Variants in ANKRD44 observed in about 807,000 individuals in gnomAD.
ANKRD44 encodes serine/threonine-protein phosphatase 6 regulatory ankyrin repeat subunit B.
In ANKRD44, 35 loss-of-function variants were observed where a neutral mutation model predicts 116.0. That is an observed-to-expected ratio of 0.30 (90% confidence interval 0.23 to 0.40). The LOEUF is 0.40. Ranked by LOEUF, ANKRD44 falls within the 10% of genes least tolerant of loss-of-function variation. ANKRD44 has a pLI of 1.00. For missense variants in ANKRD44, 1,014 were observed against 1,242.6 expected, an observed-to-expected ratio of 0.82 and a Z score of 2.77; for synonymous variants, 435 against 461.8, an observed-to-expected ratio of 0.94 and a Z score of 0.74.
downstream of ANKRD44, among the ~76,000 whole-genome samples, chr2:196,982,632 A>G (rs1459597817): frequency 6.6e-6 from 1 of 152,138 alleles, no homozygotes; most frequent in Non-Finnish European, 1.5e-5. Flanking sequence ...TACCTTCAAG[A>G]CATATCCAAA....
chr2:197,007,738 G>C, intron 20 of ANKRD44, 68 bp downstream of exon 20: 1 of 1,064,614 alleles, frequency 9.4e-7, no homozygotes, highest in Non-Finnish European at 1.4e-6. Flanking sequence ...CTTTGTAATT[G>C]TTTGCTAAAA....
At chr2:197,214,270 G>A (rs891995927) in intron 1 of ANKRD44, among the ~76,000 whole-genome samples, 1 of 152,062 alleles carries the variant, frequency 6.6e-6, no homozygotes, top group Admixed American at 6.6e-5. Context: ...AAAATGATGG[G>A]ATATTATGCA....
intron 1 of ANKRD44, among the ~76,000 whole-genome samples, chr2:197,264,436 T>C (rs2712870): frequency 0.17 from 26,445 of 152,246 alleles, 2,421 homozygotes; most frequent in Middle Eastern, 0.28. Context: ...GCAGAAAGCA[T>C]CCTGGATTTC....
chr2:197,132,458 C>T (rs2079116561), intron 4 of ANKRD44, among the ~76,000 whole-genome samples: 1 of 152,160 alleles, frequency 6.6e-6, no homozygotes, highest in South Asian at 2.1e-4. Flanking sequence ...GCTTAACATA[C>T]TCAGGAAATG....
intron 1 of ANKRD44, among the ~76,000 whole-genome samples, chr2:197,310,243 G>T (rs1005148141): frequency 2.2e-4 from 34 of 151,332 alleles, no homozygotes; most frequent in African/African-American, 8.2e-4. Flanking sequence ...ACGCAACGCG[G>T]CGCGGTGCGA....
intron 25 of ANKRD44, 136 bp from the exon 26 acceptor site, chr2:196,995,597 A>T (rs2075998455): frequency 1.6e-6 from 1 of 614,366 alleles, no homozygotes; most frequent in Admixed American, 3.2e-5. Context: ...TTTCTGAGTA[A>T]TTTTTTTTCT....
chr2:197,273,970 A>T (rs2082975119), intron 1 of ANKRD44, among the ~76,000 whole-genome samples: 1 of 26,248 alleles, frequency 3.8e-5, no homozygotes, highest in African/African-American at 1.0e-4. Flanking sequence ...CAAAAAAAAA[A>T]AAAAAAAAAA....
At chr2:197,041,454 G>A (rs2076909953) in intron 16 of ANKRD44, among the ~76,000 whole-genome samples, 1 of 152,242 alleles carries the variant, frequency 6.6e-6, no homozygotes, top group African/African-American at 2.4e-5. Context: ...CTTGGCTCAA[G>A]CATCAACTAT....
At chr2:196,982,538 C>T (rs558071948), downstream of ANKRD44, among the ~76,000 whole-genome samples, 10 of 152,260 alleles carry the variant, frequency 6.6e-5, no homozygotes, top group East Asian at 1.7e-3. Context: ...CACATGTCTA[C>T]AATTTCATAT....
chr2:197,089,838 G>A, intron 11 of ANKRD44, 112 bp downstream of exon 11: 1 of 819,622 alleles, frequency 1.2e-6, no homozygotes, highest in Non-Finnish European at 2.0e-6. Context: ...ATCCTGACGA[G>A]TCAGGTAATG....
intron 1 of ANKRD44, among the ~76,000 whole-genome samples, chr2:197,223,002 A>G (rs1228130807): frequency 6.6e-6 from 1 of 151,792 alleles, no homozygotes; most frequent in African/African-American, 2.4e-5. Context: ...CAGTTGAGAT[A>G]GGGTTTCACC....
intron 27 of ANKRD44, among the ~76,000 whole-genome samples, chr2:196,993,169 T>C (rs2075952241): frequency 6.6e-6 from 1 of 152,204 alleles, no homozygotes. Context: ...AAAAGTTTGA[T>C]CTCAGAATGA....
chr2:196,977,672 C>T (rs373722451), intron 21 of ANKRD44, among the ~76,000 whole-genome samples: 3 of 152,062 alleles, frequency 2.0e-5, no homozygotes, highest in African/African-American at 7.2e-5. Flanking sequence ...ACTAGGATGG[C>T]CATAATAAAA....
intron 16 of ANKRD44, among the ~76,000 whole-genome samples, chr2:197,076,350 G>A (rs1024853051): frequency 6.6e-6 from 1 of 152,156 alleles, no homozygotes; most frequent in African/African-American, 2.4e-5. Flanking sequence ...GTGCATGTAA[G>A]TTAATTGGTT....
Position 197,228,761 on chromosome 2 carries a change from C to T in ANKRD44, c.28-41655G>A, listed in dbSNP as rs568033388. The stretch of plus-strand genomic sequence containing the variant: ...TATCTGAAGAGCAGTTACAGCCTGG[C>T]GCGGAGGCTCACGCCTGTAATCCCA... On this transcript the variant is annotated intron_variant, in intron 1 of 27. Transcript: ENST00000282272. Among the ~76,000 whole-genome samples the T allele has an allele frequency of 1.9e-4, 29 of 152,300 alleles. No homozygotes were observed. In the South Asian group the frequency reaches 5.4e-3, roughly 28 times the overall value.
At chr2:197,056,234 C>T (rs1270596323) in intron 16 of ANKRD44, among the ~76,000 whole-genome samples, 1 of 151,998 alleles carries the variant, frequency 6.6e-6, no homozygotes, top group Admixed American at 6.6e-5. Context: ...ATATTCTTTA[C>T]CCTTTGCATG....
At chr2:197,208,476 C>A (rs777506913) in intron 1 of ANKRD44, among the ~76,000 whole-genome samples, 1 of 152,136 alleles carries the variant, frequency 6.6e-6, no homozygotes, top group Non-Finnish European at 1.5e-5. Context: ...CTGTGCCACA[C>A]ACCAGGTATC....
chr2:197,015,324 A>T lies in ANKRD44; in HGVS notation c.1723-1612T>A, dbSNP rs1445980824. The T allele has an allele frequency of 1.3e-5, 6 of 468,258 alleles. No homozygotes were observed. In the East Asian group the frequency reaches 3.0e-4, roughly 23 times the overall value. 29.0% of individuals were successfully genotyped at this position (468,258 alleles called of 1,614,324 possible). On this transcript the variant is annotated intron_variant, in intron 17 of 27. Coordinates refer to ENST00000282272, the MANE Select transcript of ANKRD44 (RefSeq NM_001195144.2). ...ATAGAATTTGAGAGACCATTTTAAA[A>T]GGTATGGCAAGATTACAACCACAGA... is the stretch of plus-strand genomic sequence containing the variant.
At chr2:197,025,128 C>A in intron 17 of ANKRD44, 68 bp downstream of exon 17, 4 of 1,456,448 alleles carry the variant, frequency 2.7e-6, no homozygotes, top group Non-Finnish European at 3.8e-6. Flanking sequence ...ATTTTAAGAG[C>A]AATCTAGTTT....
Sources: allele counts gnomAD v4.1 joint callset (sites outside exome capture counted in the v4.1 genomes callset), GRCh38; gene constraint gnomAD v4.1.1; transcripts MANE v1.5; gene names NCBI Gene and HGNC (gene_info 2026-07-23, HGNC 2026-07-21).